CD3D: variants seen among roughly 807,000 people sequenced by gnomAD.
CD3D encodes the protein T-cell surface glycoprotein CD3 delta chain.
In CD3D, 22 loss-of-function variants were observed where a neutral mutation model predicts 22.0. That is an observed-to-expected ratio of 1.00 (90% CI 0.71 to 1.43). The LOEUF (loss-of-function observed/expected upper bound fraction) is 1.43. Ranked by LOEUF, CD3D falls within the 40% of genes most tolerant of loss-of-function variation. The pLI, the probability that CD3D is intolerant of heterozygous loss-of-function variation, is 0.00. For synonymous variants in CD3D, 74 were observed against 81.2 expected (o/e 0.91, Z 0.48); for missense variants, 205 against 211.7 (o/e 0.97, Z 0.20).
rs1467779483 is a variant in CD3D, at chr11:118,340,547, A to G, written c.102T>C (p.Phe34=). The G allele has an allele frequency of 6.2e-7, 1 of 1,613,950 alleles. No individual in the cohort carries two copies. Among genetic ancestry groups the G allele is most frequent in the African/African-American group, 1.3e-5 (1 of 74,878 alleles). Residue 34 remains phenylalanine, a synonymous_variant, in exon 2 of 5, where the codon TTT becomes TTC. Transcript: ENST00000300692. The part of the protein sequence containing the change: ...IPIEELEDRV[F]VNCNTSITWV... ...ATGTGATGCTGGTATTGCAATTCAC[A>G]AACACTCTGTCCTCAAGTTCCTCTA...
chr11:118,340,300 T>G (rs1948287675), intron 2 of CD3D, 75 bp downstream of exon 2: 4 of 1,145,836 alleles, frequency 3.5e-6, no homozygotes, highest in Admixed American at 3.5e-5. Flanking sequence ...GTTCACCATA[T>G]CCCTCTCTAG....
rs1278221894 is a variant in CD3D, at chr11:118,342,625, C to A, written c.-18G>T. ...TGTTCCATCTCCCAGCGGAACTCAT[C>A]CAGTAGATAAAGCCAGGTCACCGAA... On this transcript the variant is annotated 5_prime_UTR_variant, in exon 1 of 5. Transcript: ENST00000300692. The A allele has an allele frequency of 1.9e-6, 3 of 1,612,358 alleles. 1 individual carries two copies. The South Asian group carries it at 3.3e-5, about 18-fold the overall frequency.
chr11:118,339,445 G>T lies in CD3D; in HGVS notation c.450+6C>A. ...TCATTCCTGCCTCCTTCCCCTCAAC[G>T]CTCACCTGATAGACCTGGTCATTCC... On this transcript the variant is annotated splice_donor_region_variant and intron_variant, in intron 4 of 4. Coordinates refer to ENST00000300692, the MANE Select transcript of CD3D (RefSeq NM_000732.6). The T allele has an allele frequency of 6.2e-7, 1 of 1,613,694 alleles. No homozygotes were observed. The highest frequency in any genetic ancestry group is 8.5e-7 in the Non-Finnish European group (1 of 1,179,830).
At chr11:118,341,956 C>T (rs3181261) in intron 1 of CD3D, among the ~76,000 whole-genome samples, 10,582 of 152,262 alleles carry the variant, frequency 0.069, 520 homozygotes, top group East Asian at 0.19. Flanking sequence ...GGAAGCTGTG[C>T]TCCCATGGCC....
In CD3D at chr11:118,339,466, A is replaced by T. The variant is rs1170396966; in HGVS notation, c.435T>A (p.Asn145Lys). The T allele has an allele frequency of 8.7e-6, 14 of 1,613,918 alleles. No homozygotes were observed. The highest frequency in any genetic ancestry group is 9.3e-6 in the Non-Finnish European group (11 of 1,180,018). Residue 145 changes from asparagine to lysine, a missense_variant, in exon 4 of 5, where the codon AAT (asparagine) becomes AAA (lysine). Transcript: ENST00000300692. ...GAADTQALLRNDQVYQPLRDR... is the reference protein window; with the variant it reads ...GAADTQALLRKDQVYQPLRDR... ...CAACGCTCACCTGATAGACCTGGTC[A>T]TTCCTCAACAGAGCTTGTGTGTCGG...
Position 118,340,527 on chromosome 11 carries a change from A to G in CD3D, c.122T>C (p.Ile41Thr). Residue 41 changes from isoleucine (I) to threonine (T), a missense_variant, in exon 2 of 5, where the codon ATC becomes ACC. Transcript: ENST00000300692. ...DRVFVNCNTS[I>T]TWVEGTVGTL... ...TCCCACCGTTCCCTCTACCCATGTG[A>G]TGCTGGTATTGCAATTCACAAACAC... is the stretch of plus-strand genomic sequence containing the variant. The G allele has an allele frequency of 6.2e-7, 1 of 1,614,032 alleles. No homozygotes were observed. Among genetic ancestry groups the G allele is most frequent in the Non-Finnish European group, 8.5e-7 (1 of 1,179,998 alleles).
At position 118,339,098 on chromosome 11, in the gene CD3D, T is replaced by C. The variant is rs1364168633; in HGVS notation, c.*64A>G. 1 of 1,370,660 alleles carries C rather than the reference T, an allele frequency of 7.3e-7. No individual in the cohort carries two copies. The highest frequency in any genetic ancestry group is 1.0e-6 in the Non-Finnish European group (1 of 957,948). 84.9% of individuals were successfully genotyped at this position (1,370,660 alleles called of 1,614,324 possible). A position where few individuals can be genotyped will look rare whatever the true frequency, so the allele number is the denominator to read the frequency against. ...GCTGAGTGAAAGAGGATATATTTATTGGCTGAGCAAGAAGGGAAGGTACAG... is the reference window on the plus strand; with the variant it reads ...GCTGAGTGAAAGAGGATATATTTATCGGCTGAGCAAGAAGGGAAGGTACAG... On this transcript the variant is annotated 3_prime_UTR_variant, in exon 5 of 5. Coordinates refer to ENST00000300692, the MANE Select transcript of CD3D (RefSeq NM_000732.6).
At chr11:118,342,050 C>T (rs1374944016) in intron 1 of CD3D, among the ~76,000 whole-genome samples, 1 of 152,190 alleles carries the variant, frequency 6.6e-6, no homozygotes, top group African/African-American at 2.4e-5. Flanking sequence ...TCTAGGCCCA[C>T]ATGCACCCAT....
At position 118,339,585 on chromosome 11, in the gene CD3D, T is replaced by A. The variant is rs1948280764; in HGVS notation, c.407-91A>T. On this transcript the variant is annotated intron_variant, in intron 3 of 4. Coordinates refer to ENST00000300692, the MANE Select transcript of CD3D (RefSeq NM_000732.6). The stretch of plus-strand genomic sequence containing the variant: ...CCCTCAGAAGTCTGCATGAGTGATA[T>A]GAACACACAAGTTCTTTCAACAGTC... 1.9e-6 allele frequency: 3 copies of A among 1,575,646 alleles called. No individual in the cohort carries two copies. In the South Asian group the frequency reaches 3.3e-5, roughly 18 times the overall value.
chr11:118,339,086 G>C lies in CD3D; in HGVS notation c.*76C>G. On this transcript the variant is annotated 3_prime_UTR_variant, in exon 5 of 5. Coordinates refer to ENST00000300692, the MANE Select transcript of CD3D (RefSeq NM_000732.6). ...GCCCAGGCACCTGCTGAGTGAAAGA[G>C]GATATATTTATTGGCTGAGCAAGAA... The C allele has an allele frequency of 7.8e-7, 1 of 1,275,584 alleles. No homozygotes were observed. 79.0% of individuals were successfully genotyped at this position (1,275,584 alleles called of 1,614,324 possible). A position where few individuals can be genotyped will look rare whatever the true frequency, so the allele number is the denominator to read the frequency against.
rs1175572133 is a variant in CD3D, at chr11:118,339,120, A to G, written c.*42T>C. The G allele has an allele frequency of 2.7e-6, 4 of 1,507,812 alleles. No homozygotes were observed. The highest frequency in any genetic ancestry group is 1.1e-5 in the South Asian group (1 of 89,060). The allele number at this position is 1,507,812 out of a possible 1,614,324, so 93.4% of individuals were successfully genotyped here. On this transcript the variant is annotated 3_prime_UTR_variant, in exon 5 of 5. Transcript: ENST00000300692. ...TATTGGCTGAGCAAGAAGGGAAGGT[A>G]CAGTTGGTAATGGCTGCTTCTAGAA... is the stretch of plus-strand genomic sequence containing the variant.
chr11:118,340,501 T>A lies in CD3D; in HGVS notation c.148A>T (p.Thr50Ser), dbSNP rs1217732214. The A allele has an allele frequency of 7.4e-6, 12 of 1,613,964 alleles. No homozygotes were observed. Among genetic ancestry groups the A allele is most frequent in the Non-Finnish European group, 1.0e-5 (12 of 1,179,968 alleles). ...AGTCTTGTAATGTCTGAGAGCAGTG[T>A]TCCCACCGTTCCCTCTACCCATGTG... ...SITWVEGTVG[T>S]LLSDITRLDL... is the part of the protein sequence containing the mutation. Residue 50 changes from threonine to serine, a missense_variant, in exon 2 of 5, where the codon ACA becomes TCA. By Grantham distance (58) the Thr-to-Ser change is moderately conservative. Coordinates refer to ENST00000300692, the MANE Select transcript of CD3D (RefSeq NM_000732.6).
At position 118,342,264 on chromosome 11, in the gene CD3D, G is replaced by A. The variant is rs7939548; in HGVS notation, c.55+289C>T. On this transcript the variant is annotated intron_variant, in intron 1 of 4. Coordinates refer to ENST00000300692, the MANE Select transcript of CD3D (RefSeq NM_000732.6). ...CAGCTCACTGAAGCCTTGAAATCCC[G>A]GGCTCAAGTGACCCTCCTGCCTCAG... Among the ~76,000 whole-genome samples the A allele has an allele frequency of 0.025, 3,773 of 151,784 alleles. 72 individuals carry two copies. Among genetic ancestry groups the A allele is most frequent in the Non-Finnish European group, 0.037 (2,498 of 67,944 alleles).
intron 3 of CD3D, 44 bp downstream of exon 3, chr11:118,339,731 C>CACACACACAA: frequency 2.5e-6 from 4 of 1,612,362 alleles, no homozygotes; most frequent in Non-Finnish European, 3.4e-6. Flanking sequence ...CACACACACA[C>CACACACACAA]ACACACACAC....
chr11:118,339,983 C>G, intron 2 of CD3D, 77 bp from the exon 3 acceptor site: 2 of 1,572,424 alleles, frequency 1.3e-6, no homozygotes, highest in Non-Finnish European at 1.7e-6. Flanking sequence ...CCTAGGGCAA[C>G]CCTTAGATCT....
Position 118,342,577 on chromosome 11 carries a change from C to G in CD3D, c.31G>C (p.Val11Leu), listed in dbSNP as rs1185473088. Residue 11 changes from valine (V) to leucine (L), a missense_variant, in exon 1 of 5, where the codon GTA becomes CTA. Transcript: ENST00000300692. ...CCTTGCGAGAGAAGGGTAGCCAGTA[C>G]CAGGCCAGAGAGAAACGTGCTATGT... is the stretch of plus-strand genomic sequence containing the variant. MEHSTFLSGL[V>L]LATLLSQVSP... 6 of 1,613,746 alleles carry G rather than the reference C, an allele frequency of 3.7e-6. No individual in the cohort carries two copies. Among genetic ancestry groups the G allele is most frequent in the African/African-American group, 2.7e-5 (2 of 75,012 alleles).
At chr11:118,341,150 G>A (rs928142940) in intron 1 of CD3D, among the ~76,000 whole-genome samples, 5 of 152,194 alleles carry the variant, frequency 3.3e-5, no homozygotes, top group African/African-American at 1.2e-4. Context: ...TGTGGGTGGA[G>A]ACCAGCTGGT....
intron 3 of CD3D, 117 bp from the exon 4 acceptor site, chr11:118,339,611 A>G: frequency 6.4e-7 from 1 of 1,564,532 alleles, no homozygotes; most frequent in Admixed American, 1.7e-5. Context: ...TTCAACAGTC[A>G]AAGTTCTAGG....
intron 1 of CD3D, 138 bp from the exon 2 acceptor site, chr11:118,340,731 G>A: frequency 2.7e-6 from 2 of 734,856 alleles, no homozygotes; most frequent in Non-Finnish European, 4.9e-6. Context: ...AGAGACAGAA[G>A]TCACAAGAAA....
Sources: gnomAD v4.1 joint callset for allele counts (sites outside exome capture counted in the v4.1 genomes callset) on GRCh38, gnomAD v4.1.1 for gene constraint, MANE v1.5 for transcripts, NCBI Gene and HGNC (gene_info 2026-07-23, HGNC 2026-07-21) for gene names.